ABR: variants seen among roughly 807,000 people sequenced by gnomAD.
ABR encodes the protein ABR activator of RhoGEF and GTPase.
In ABR, 35 loss-of-function variants were observed where a neutral mutation model predicts 107.2. The ratio of observed to expected loss-of-function variants is 0.33; its 90% confidence interval spans 0.25 to 0.43. The LOEUF is 0.43. Among genes scored for constraint, ABR ranks in the 20% least tolerant of loss-of-function variants. The pLI is 1.00. For missense variants in ABR, 815 were observed against 1,115.2 expected (o/e 0.73, Z 3.83); for synonymous variants, 498 against 462.0 (o/e 1.08, Z -1.00).
chr17:1,128,117 G>A (rs1323527041), intron 1 of ABR, among the ~76,000 whole-genome samples: 2 of 152,206 alleles, frequency 1.3e-5, no homozygotes, highest in African/African-American at 2.4e-5. Context: ...CAGGGGCGGC[G>A]AAAGGGCTCG....
At chr17:1,189,890 T>G (rs1283777701), upstream of ABR, among the ~76,000 whole-genome samples, 1 of 135,292 alleles carries the variant, frequency 7.4e-6, no homozygotes, top group East Asian at 1.9e-4. Context: ...ATAGTTTCAG[T>G]GAATGAATGA....
intron 1 of ABR, among the ~76,000 whole-genome samples, chr17:1,206,473 C>A (rs2042790132): frequency 6.6e-6 from 1 of 152,200 alleles, no homozygotes. Context: ...TTACTTGCAG[C>A]CTTGGACTCC....
At chr17:1,099,913 A>G (rs1441994842) in intron 3 of ABR, among the ~76,000 whole-genome samples, 1 of 152,126 alleles carries the variant, frequency 6.6e-6, no homozygotes, top group Non-Finnish European at 1.5e-5. Flanking sequence ...AGATCACCTG[A>G]GGTCAGGAGT....
intron 16 of ABR, among the ~76,000 whole-genome samples, chr17:1,029,161 A>G (rs1296373536): frequency 6.6e-6 from 1 of 151,858 alleles, no homozygotes; most frequent in Non-Finnish European, 1.5e-5. Context: ...GAAGTTCAAT[A>G]CCGAGAGCCC....
At position 1,014,621 on chromosome 17, in the gene ABR, G is replaced by A. The variant is rs190511857; in HGVS notation, c.1792-1457C>T. On this transcript the variant is annotated intron_variant, in intron 16 of 22. Coordinates refer to ENST00000302538, the MANE Select transcript of ABR (RefSeq NM_021962.5). ...TGGGAGGCCGAGGGAGGCGGATCAC[G>A]AGGTCAGGAGATCGAGACCATCCTG... Among the ~76,000 whole-genome samples, 1,342 of 150,462 alleles carry A rather than the reference G, an allele frequency of 8.9e-3. 26 individuals carry two copies. Among genetic ancestry groups the A allele is most frequent in the African/African-American group, 0.03 (1,244 of 40,958 alleles).
chr17:1,044,387 G>C (rs2440035), intron 16 of ABR, among the ~76,000 whole-genome samples: 85,351 of 152,064 alleles, frequency 0.56, 24,551 homozygotes, highest in East Asian at 0.83. Context: ...CCGTGGCTCA[G>C]GCCTGTAATC....
At chr17:1,118,185 T>C (rs1166230452) in intron 2 of ABR, among the ~76,000 whole-genome samples, 3 of 66,488 alleles carry the variant, frequency 4.5e-5, no homozygotes, top group East Asian at 4.4e-4. Flanking sequence ...TCCCTGAGCC[T>C]GAGTTCCTCC....
At chr17:1,212,654 C>G (rs1485128322) in intron 1 of ABR, among the ~76,000 whole-genome samples, 2 of 152,152 alleles carry the variant, frequency 1.3e-5, no homozygotes, top group Non-Finnish European at 2.9e-5. Context: ...CTTTGGGAGG[C>G]CGAGGCCAGC....
intron 1 of ABR, among the ~76,000 whole-genome samples, chr17:1,217,977 G>A (rs563927281): frequency 3.3e-5 from 5 of 152,270 alleles, no homozygotes; most frequent in East Asian, 3.9e-4. Context: ...TTACAGGAAC[G>A]TGCTACCACG....
rs539070561 is a variant in ABR at position 1,078,523 on chromosome 17, C to T, written c.700+807G>A. On this transcript the variant is annotated intron_variant, in intron 6 of 22. Transcript: ENST00000302538. The surrounding 1 kb of genome is among the most constrained non-coding windows in gnomAD (Gnocchi z 7.5). ...GCTCGTCGCCGTCTCTCCCTAACAGCCCCTCCAGGAAGTTCTCTCACACTA... is the reference window on the plus strand; with the variant it reads ...GCTCGTCGCCGTCTCTCCCTAACAGTCCCTCCAGGAAGTTCTCTCACACTA... 3.9e-5 allele frequency among the ~76,000 whole-genome samples: 6 copies of T among 152,282 alleles called. No individual in the cohort carries two copies. In the South Asian group the frequency reaches 1.0e-3, roughly 26 times the overall value.
chr17:1,206,064 TGAG>T (rs1176107343), intron 1 of ABR, among the ~76,000 whole-genome samples: 1 of 152,164 alleles, frequency 6.6e-6, no homozygotes, highest in Non-Finnish European at 1.5e-5. Flanking sequence ...TGCAGTGAGC[TGAG>T]ATCGCGCCAC....
intron 16 of ABR, among the ~76,000 whole-genome samples, chr17:1,015,785 T>C (rs2071107333): frequency 6.6e-6 from 1 of 152,222 alleles, no homozygotes; most frequent in Admixed American, 6.5e-5. Flanking sequence ...AAATATTAAG[T>C]AGCAGAGTAA....
At chr17:1,186,067 C>T (rs1455685436) in intron 1 of ABR, among the ~76,000 whole-genome samples, 1 of 152,194 alleles carries the variant, frequency 6.6e-6, no homozygotes, top group Non-Finnish European at 1.5e-5. Flanking sequence ...GAACTCCCAA[C>T]CTCAGGTGAT....
chr17:1,192,119 G>A (rs1489300688), upstream of ABR, among the ~76,000 whole-genome samples: 1 of 152,002 alleles, frequency 6.6e-6, no homozygotes, highest in African/African-American at 2.4e-5. Flanking sequence ...AAGTTTAATG[G>A]GTTTTCAGGG....
rs1251353428 is a variant in ABR, at chr17:1,012,777, C to T, written c.1872G>A (p.Met624Ile). Reference protein sequence around the residue: ...EMNGIKVEFSMKFTSRDMSLK... With the variant: ...EMNGIKVEFSIKFTSRDMSLK... ...GGCTCATATCTCGGCTGGTGAATTT[C>T]ATGGAAAATTCCACTTTGATCTGGT... The change falls in exon 18 of 23, where the codon ATG becomes ATA. Residue 624 changes from methionine (M) to isoleucine (I), a missense_variant. This residue lies in a region of ABR where 92 missense variants were observed against 82.3 expected (regional missense o/e 1.12). Coordinates refer to ENST00000302538, the MANE Select transcript of ABR (RefSeq NM_021962.5). 1.9e-6 allele frequency: 3 copies of T among 1,589,644 alleles called. No individual in the cohort carries two copies. Among genetic ancestry groups the T allele is most frequent in the Non-Finnish European group, 2.6e-6 (3 of 1,167,412 alleles).
At chr17:1,059,058 C>G (rs1231889746) in intron 10 of ABR, among the ~76,000 whole-genome samples, 191 bp from the exon 11 acceptor site, 3 of 152,136 alleles carry the variant, frequency 2.0e-5, no homozygotes, top group African/African-American at 7.2e-5. Flanking sequence ...CTCACTAATT[C>G]CTAAGCCTGT....
intron 16 of ABR, among the ~76,000 whole-genome samples, chr17:1,014,794 G>A (rs560592439): frequency 1.9e-4 from 28 of 149,928 alleles, no homozygotes; most frequent in South Asian, 8.6e-4. Flanking sequence ...TGCAGTGAGC[G>A]GAGATCACAC....
Position 1,178,101 on chromosome 17 carries a change from G to A in ABR, c.61+1566C>T, listed in dbSNP as rs139523923. 611 of 152,462 alleles carry A rather than the reference G, an allele frequency of 4.0e-3. 14 individuals are homozygous for A. In the East Asian group the frequency reaches 0.046, roughly 11 times the overall value. 9.4% of individuals were successfully genotyped at this position (152,462 alleles called of 1,614,324 possible). On this transcript the variant is annotated intron_variant, in intron 1 of 22. Transcript: ENST00000302538. ...AAGGAACATGGATGGAGGAGGAGGC[G>A]GGTGGAGAAGAAGATACAGGGAATG...
chr17:1,088,427 AC>A (rs890438926), intron 4 of ABR, among the ~76,000 whole-genome samples: 3 of 151,022 alleles, frequency 2.0e-5, no homozygotes, highest in Admixed American at 2.0e-4. Context: ...TTGGAAGGAT[AC>A]CTTCCAGGGT....
Sources: gnomAD v4.1 joint callset for allele counts (sites outside exome capture counted in the v4.1 genomes callset) on GRCh38, gnomAD v4.1.1 for gene constraint, gnomAD v4.1.1 regional missense constraint, Gnocchi (gnomAD v3.1) non-coding constraint, MANE v1.5 for transcripts, NCBI Gene and HGNC (gene_info 2026-07-23, HGNC 2026-07-21) for gene names.